Variants in PCNT observed in about 807,000 individuals in gnomAD.
PCNT encodes the protein pericentrin, also known as kendrin.
Under a neutral mutation model 380.4 loss-of-function variants are expected in PCNT, and 319 were observed. The observed-to-expected ratio is 0.84, with a 90% confidence interval of 0.77 to 0.92. PCNT has a LOEUF of 0.92. Ranked by LOEUF, PCNT falls within the 40% of genes least tolerant of loss-of-function variation. The pLI is 0.00. For synonymous variants in PCNT, 1,845 were observed against 1,735.2 expected (o/e 1.06, Z -1.57); for missense variants, 4,400 against 4,255.3 (o/e 1.03, Z -0.95).
intron 2 of PCNT, among the ~76,000 whole-genome samples, chr21:46,329,801 A>G (rs1000915601): frequency 3.9e-5 from 6 of 152,246 alleles, no homozygotes; most frequent in African/African-American, 1.4e-4. Context: ...TTAAAGCAGT[A>G]TTTTAAAAAC....
In PCNT at chr21:46,428,340, C is replaced by G. The variant is rs1004891332; in HGVS notation, c.7495-55C>G. 7.8e-6 allele frequency: 12 copies of G among 1,531,890 alleles called. No individual in the cohort carries two copies. The African/African-American group carries it at 1.6e-4, about 21-fold the overall frequency. The allele number at this position is 1,531,890 out of a possible 1,614,324, so 94.9% of individuals were successfully genotyped here. On this transcript the variant is annotated intron_variant, in intron 34 of 46. Transcript: ENST00000359568. ...TTTGAGGGCGGGCAGCAGGGAAGGC[C>G]GGGGCATGGGGTGGCTGCCCAATGC... is the stretch of plus-strand genomic sequence containing the variant.
intron 2 of PCNT, among the ~76,000 whole-genome samples, chr21:46,330,832 C>A (rs990155796): frequency 4.6e-5 from 7 of 152,208 alleles, no homozygotes; most frequent in Non-Finnish European, 1.0e-4. Flanking sequence ...CCAGGGCACT[C>A]CCCTCTCAGA....
chr21:46,387,083 T>G (rs2085864663), intron 17 of PCNT, among the ~76,000 whole-genome samples: 1 of 152,228 alleles, frequency 6.6e-6, no homozygotes, highest in Non-Finnish European at 1.5e-5. Flanking sequence ...TGCTGTGTCC[T>G]GAAGCTCTGA....
intron 27 of PCNT, among the ~76,000 whole-genome samples, chr21:46,404,343 T>C (rs990237237): frequency 5.3e-5 from 8 of 150,116 alleles, no homozygotes; most frequent in African/African-American, 1.5e-4. Flanking sequence ...CAGTGGAATA[T>C]TTCCCTATTA....
chr21:46,346,619 A>C (rs1467411356), intron 4 of PCNT, 124 bp from the exon 5 acceptor site: 1 of 1,256,680 alleles, frequency 8.0e-7, no homozygotes, highest in Non-Finnish European at 1.1e-6. Flanking sequence ...CCCTGCTTCC[A>C]CGGGATGTCT....
rs764321258 is a variant in PCNT at position 46,416,733 on chromosome 21, A to G, written c.6815A>G (p.Gln2272Arg). The G allele has an allele frequency of 4.4e-6, 7 of 1,592,260 alleles. No homozygotes were observed. In the South Asian group the frequency reaches 7.9e-5, roughly 18 times the overall value. ...DRADTSLPQT[Q>R]GPGLLCSPGV... ...GCGGACACCTCGCTGCCACAGACCC[A>G]GGGGCCGGGGCTGCTTTGTTCCCCA... Residue 2272 changes from glutamine (Q) to arginine (R), a missense_variant, in exon 30 of 47, where the codon CAG becomes CGG. Physicochemically the swap from Gln to Arg is conservative, Grantham distance 43. Coordinates refer to ENST00000359568, the MANE Select transcript of PCNT (RefSeq NM_006031.6).
intron 44 of PCNT, among the ~76,000 whole-genome samples, chr21:46,443,327 C>T (rs185196897): frequency 3.2e-4 from 49 of 152,378 alleles, no homozygotes; most frequent in African/African-American, 1.0e-3. Context: ...AAGCCATCCT[C>T]CTGTGTCAGC....
intron 24 of PCNT, 135 bp downstream of exon 24, chr21:46,398,390 A>T (rs2086280535): frequency 2.3e-6 from 2 of 870,700 alleles, no homozygotes; most frequent in Non-Finnish European, 3.7e-6. Context: ...CTCTTGTCTG[A>T]GGAAGCTGTA....
rs1240781981 is a variant in PCNT, at chr21:46,444,772, T to C, written c.9918T>C (p.Tyr3306=). 6.2e-7 allele frequency: 1 copy of C among 1,613,150 alleles called. No homozygotes were observed. The highest frequency in any genetic ancestry group is 1.1e-5 in the South Asian group (1 of 91,060). ...ATCCAGAACATTCCTTGACAGAGTA[T>C]ATTCACCATTTAGAAGTGATCCAGC... The part of the protein sequence containing the change: ...SQDPEHSLTE[Y]IHHLEVIQQR... Residue 3306 remains tyrosine (Y), a synonymous_variant, in exon 46 of 47, where the codon TAT becomes TAC. Transcript: ENST00000359568.
chr21:46,357,241 C>A, intron 13 of PCNT, 50 bp downstream of exon 13: 1 of 1,299,314 alleles, frequency 7.7e-7, no homozygotes, highest in Non-Finnish European at 1.1e-6. Flanking sequence ...TCCTTGCTCT[C>A]TTCCACCTGG....
At chr21:46,377,174 G>A (rs117650410) in intron 15 of PCNT, among the ~76,000 whole-genome samples, 1 of 152,170 alleles carries the variant, frequency 6.6e-6, no homozygotes, top group African/African-American at 2.4e-5. Flanking sequence ...TTCAGAAAAG[G>A]CACTCACTCA....
In PCNT at chr21:46,416,154, GT is replaced by G. The variant is rs777249754; in HGVS notation, c.6239del (p.Leu2080CysfsTer5). 1 of 1,614,178 alleles carries G rather than the reference GT, an allele frequency of 6.2e-7. No homozygotes were observed. ...QVKQLQEKLN[R>X]LLYSMTFQNV... ...AAACAGCTTCAGGAAAAACTGAACC[GT>G]TTGCTGTATTCCATGACCTTCCAGA... On this transcript the variant is annotated frameshift_variant, in exon 30 of 47. Coordinates refer to ENST00000359568, the MANE Select transcript of PCNT (RefSeq NM_006031.6). LOFTEE classifies it high-confidence loss of function.
At chr21:46,414,995 GT>G (rs1315952761) in intron 29 of PCNT, among the ~76,000 whole-genome samples, 1 of 152,242 alleles carries the variant, frequency 6.6e-6, no homozygotes, top group African/African-American at 2.4e-5. Flanking sequence ...CTGGGCAGGT[GT>G]TTTATGGTCT....
chr21:46,393,364 G>T (rs1203498888), intron 21 of PCNT, among the ~76,000 whole-genome samples: 1 of 152,176 alleles, frequency 6.6e-6, no homozygotes, highest in East Asian at 1.9e-4. Context: ...ATCGCTCTCA[G>T]CATCTTTGCC....
At chr21:46,383,266 G>T (rs975772907) in intron 16 of PCNT, among the ~76,000 whole-genome samples, 11 of 144,808 alleles carry the variant, frequency 7.6e-5, no homozygotes, top group Admixed American at 1.4e-4. Flanking sequence ...TGATGGAAGC[G>T]CATTCACAGT....
At position 46,438,316 on chromosome 21, in the gene PCNT, G is replaced by A; in HGVS notation, c.9252G>A (p.Leu3084=). Residue 3084 remains leucine, a synonymous_variant, in exon 41 of 47, where the codon CTG becomes CTA. Coordinates refer to ENST00000359568, the MANE Select transcript of PCNT (RefSeq NM_006031.6). The stretch of plus-strand genomic sequence containing the variant: ...TTGAGAAGTTGCTGAAGCACCATCT[G>A]CAGAAGGGCTGCAGCCCAAGCGTAG... ...SKLEKLLKHH[L]QKGCSPSRSE... The A allele has an allele frequency of 6.2e-7, 1 of 1,614,172 alleles. No homozygotes were observed. Among genetic ancestry groups the A allele is most frequent in the Non-Finnish European group, 8.5e-7 (1 of 1,180,018 alleles).
intron 16 of PCNT, among the ~76,000 whole-genome samples, chr21:46,384,195 C>T (rs1176152951): frequency 5.9e-5 from 8 of 135,364 alleles, no homozygotes; most frequent in African/African-American, 1.1e-4. Flanking sequence ...CGGTGTTGTG[C>T]GTTCAGTGGC....
intron 15 of PCNT, among the ~76,000 whole-genome samples, chr21:46,377,267 G>A (rs1034289662): frequency 3.9e-5 from 6 of 152,210 alleles, no homozygotes; most frequent in Non-Finnish European, 7.3e-5. Flanking sequence ...AGCGGGAGCC[G>A]GCAATCCACC....
intron 15 of PCNT, among the ~76,000 whole-genome samples, chr21:46,371,216 T>TTC (rs200603931): frequency 5.5e-4 from 77 of 139,464 alleles, no homozygotes; most frequent in African/African-American, 1.1e-3. Context: ...CTTTCTTTCT[T>TTC]TTTTTTTTTT....
Sources: allele counts gnomAD v4.1 joint callset (sites outside exome capture counted in the v4.1 genomes callset), GRCh38; gene constraint gnomAD v4.1.1; transcripts MANE v1.5; gene names NCBI Gene and HGNC (gene_info 2026-07-23, HGNC 2026-07-21).